The following ABCG5 variants were observed in gnomAD, a reference collection of about 807,000 sequenced individuals.
ABCG5 encodes ATP-binding cassette sub-family G member 5.
Under a neutral mutation model 64.5 loss-of-function variants are expected in ABCG5, and 64 were observed. The ratio of observed to expected loss-of-function variants is 0.99; its 90% confidence interval spans 0.81 to 1.22. ABCG5 has a LOEUF of 1.22. ABCG5 is among the 50% of genes most tolerant of loss of function. The pLI, the probability that ABCG5 is intolerant of heterozygous loss-of-function variation, is 0.00. For synonymous variants in ABCG5, 385 were observed against 326.3 expected (o/e 1.18, Z -1.94); for missense variants, 908 against 829.5 (o/e 1.09, Z -1.16).
intron 10 of ABCG5, among the ~76,000 whole-genome samples, chr2:43,822,221 G>A (rs903198339): frequency 2.6e-5 from 4 of 151,960 alleles, no homozygotes; most frequent in African/African-American, 2.4e-5. Flanking sequence ...TGACTCTACC[G>A]AAGCTCTTTT....
intron 4 of ABCG5, 72 bp downstream of exon 4, chr2:43,831,697 G>A: frequency 2.8e-6 from 4 of 1,414,102 alleles, no homozygotes; most frequent in Non-Finnish European, 2.9e-6. Flanking sequence ...GCAAGCGTAG[G>A]CGAAGAGAGG....
At chr2:43,821,789 C>A (rs898398842) in intron 10 of ABCG5, among the ~76,000 whole-genome samples, 1 of 152,104 alleles carries the variant, frequency 6.6e-6, no homozygotes, top group Non-Finnish European at 1.5e-5. Flanking sequence ...TTCAATCTCT[C>A]TCCCCAGTGC....
chr2:43,832,149 G>T, intron 2 of ABCG5, 66 bp from the exon 3 acceptor site: 1 of 1,550,386 alleles, frequency 6.5e-7, no homozygotes, highest in Non-Finnish European at 8.7e-7. Context: ...AGCTTCCCGA[G>T]ACCCTCTGTG....
intron 5 of ABCG5, 145 bp from the exon 6 acceptor site, chr2:43,826,666 C>T: frequency 7.7e-7 from 1 of 1,294,354 alleles, no homozygotes; most frequent in Non-Finnish European, 1.1e-6. Flanking sequence ...AACTGGCTTT[C>T]AGCCTGAGCT....
intron 11 of ABCG5, among the ~76,000 whole-genome samples, chr2:43,814,952 C>T (rs2104753652): frequency 6.6e-6 from 1 of 152,292 alleles, no homozygotes; most frequent in South Asian, 2.1e-4. Flanking sequence ...TTAGGCACAG[C>T]TTGGTGGCCT....
chr2:43,817,757 A>C (rs184066132), intron 11 of ABCG5, among the ~76,000 whole-genome samples: 1 of 151,986 alleles, frequency 6.6e-6, no homozygotes, highest in African/African-American at 2.4e-5. Flanking sequence ...TAAAAATACA[A>C]AAATTAGCCA....
upstream of ABCG5, chr2:43,839,104 C>A (rs72647316): frequency 1.5e-3 from 2,252 of 1,551,256 alleles, 27 homozygotes; most frequent in African/African-American, 0.028. Flanking sequence ...GGGCCACTCC[C>A]CAGGATACCT....
At position 43,838,017 on chromosome 2, in the gene ABCG5, G is replaced by A. The variant is rs1668392887; in HGVS notation, c.144-62C>T. The A allele has an allele frequency of 2.5e-6, 4 of 1,610,092 alleles. No individual in the cohort carries two copies. The highest frequency in any genetic ancestry group is 2.7e-5 in the African/African-American group (2 of 74,822). On this transcript the variant is annotated intron_variant, in intron 1 of 12. Coordinates refer to ENST00000405322, the MANE Select transcript of ABCG5 (RefSeq NM_022436.3). The surrounding 1 kb of genome is among the most constrained non-coding windows in gnomAD (Gnocchi z 4.2). ...GGGCCCTGGAAGGGGCCACACCCAG[G>A]TCCCCAGCATTGATCCTACCTGTGC...
chr2:43,824,639 G>A (rs1166665330), intron 7 of ABCG5: 1 of 985,296 alleles, frequency 1.0e-6, no homozygotes, highest in East Asian at 1.1e-4. Flanking sequence ...GGAGAATTCA[G>A]AAGCTCAGCT....
At chr2:43,822,495 T>G in intron 10 of ABCG5, 34 of 480,758 alleles carry the variant, frequency 7.1e-5, no homozygotes, top group South Asian at 2.1e-4. Context: ...CCCATGCACC[T>G]GGGTCCTAGC....
At chr2:43,813,957 G>A (rs1190097431) in intron 12 of ABCG5, among the ~76,000 whole-genome samples, 1 of 151,928 alleles carries the variant, frequency 6.6e-6, no homozygotes, top group Non-Finnish European at 1.5e-5. Flanking sequence ...GACCTCAAGT[G>A]ATCCAACCTC....
rs1667466929 is a variant in ABCG5 at position 43,824,496 on chromosome 2, A to G, written c.905-64T>C. 1.4e-5 allele frequency: 23 copies of G among 1,601,950 alleles called. No homozygotes were observed. In the South Asian group the frequency reaches 2.2e-4, roughly 15 times the overall value. ...TAAATGCATGTATGTACATGGATAT[A>G]CAATTGGTACAGGAGTACTGGCCAT... On this transcript the variant is annotated intron_variant, in intron 7 of 12. Transcript: ENST00000405322.
the ABCG5 span, among the ~76,000 whole-genome samples, chr2:43,806,892 C>T: frequency 0.022 from 3,290 of 152,052 alleles, 81 homozygotes; most frequent in African/African-American, 0.062. Context: ...TCTCTTGGTT[C>T]GAGATTTTTT....
Position 43,812,836 on chromosome 2 carries a change from C to T in ABCG5, c.*280G>A, listed in dbSNP as rs1666553425. Reference sequence around the variant, plus strand: ...AAGGAAAAAAAATAGTCACACGAGTCTCCCATAGGTTTATGAATATTATTT... The same window carrying T: ...AAGGAAAAAAAATAGTCACACGAGTTTCCCATAGGTTTATGAATATTATTT... On this transcript the variant is annotated 3_prime_UTR_variant, in exon 13 of 13. Transcript: ENST00000405322. 7.8e-6 allele frequency: 3 copies of T among 386,356 alleles called. No individual in the cohort carries two copies. Among genetic ancestry groups the T allele is most frequent in the African/African-American group, 2.0e-5 (1 of 49,316 alleles). The allele number at this position is 386,356 out of a possible 1,614,324, so 23.9% of individuals were successfully genotyped here.
downstream of ABCG5, among the ~76,000 whole-genome samples, chr2:43,811,547 TG>T (rs2104734489): frequency 6.6e-6 from 1 of 152,272 alleles, no homozygotes; most frequent in African/African-American, 2.4e-5. Context: ...GGTTTGTACA[TG>T]GAATTACTTG....
chr2:43,822,657 G>C, intron 10 of ABCG5, 140 bp downstream of exon 10: 2 of 1,544,744 alleles, frequency 1.3e-6, no homozygotes, highest in Non-Finnish European at 1.8e-6. Context: ...TGGAAGATAC[G>C]ACATTGCACT....
downstream of ABCG5, among the ~76,000 whole-genome samples, chr2:43,807,949 C>G (rs1666330597): frequency 6.6e-6 from 1 of 151,920 alleles, no homozygotes; most frequent in African/African-American, 2.4e-5. Flanking sequence ...TCCTTTTTCT[C>G]CCTCTGGCAT....
chr2:43,812,849 A>C lies in ABCG5; in HGVS notation c.*267T>G. On this transcript the variant is annotated 3_prime_UTR_variant, in exon 13 of 13. Coordinates refer to ENST00000405322, the MANE Select transcript of ABCG5 (RefSeq NM_022436.3). ...AGTCACACGAGTCTCCCATAGGTTT[A>C]TGAATATTATTTACATTCTTGGGTC... is the stretch of plus-strand genomic sequence containing the variant. 3 of 469,296 alleles carry C rather than the reference A, an allele frequency of 6.4e-6. No homozygotes were observed. In the South Asian group the frequency reaches 7.1e-5, roughly 11 times the overall value. The allele number at this position is 469,296 out of a possible 1,614,324, so 29.1% of individuals were successfully genotyped here.
At chr2:43,828,494 GAA>G (rs1415999536) in intron 4 of ABCG5, 14 of 313,528 alleles carry the variant, frequency 4.5e-5, no homozygotes, top group Non-Finnish European at 7.1e-5. Context: ...AAAAAAAAAA[GAA>G]AGAAAAAAAC....
Sources: allele counts gnomAD v4.1 joint callset (sites outside exome capture counted in the v4.1 genomes callset), GRCh38; gene constraint gnomAD v4.1.1; non-coding constraint Gnocchi (gnomAD v3.1); transcripts MANE v1.5; gene names NCBI Gene and HGNC (gene_info 2026-07-23, HGNC 2026-07-21).